MEMO1: variants seen among roughly 807,000 people sequenced by gnomAD.
MEMO1 encodes mediator of cell motility 1.
In MEMO1, 6 loss-of-function variants were observed where a neutral mutation model predicts 45.2. That is an observed-to-expected ratio of 0.13 (90% CI 0.07 to 0.26). The LOEUF is 0.26. Ranked by LOEUF, MEMO1 falls within the 10% of genes least tolerant of loss-of-function variation. The pLI is 1.00. For synonymous variants in MEMO1, 78 were observed against 124.3 expected (o/e 0.63, Z 2.48); for missense variants, 184 against 370.5 (o/e 0.50, Z 4.13).
chr2:31,968,376 C>T (rs1668881346), intron 2 of MEMO1, among the ~76,000 whole-genome samples: 1 of 152,236 alleles, frequency 6.6e-6, no homozygotes, highest in Admixed American at 6.5e-5. Flanking sequence ...ACTGCAAACA[C>T]TTCCACCATG....
At chr2:31,884,934 C>G (rs936224093) in intron 7 of MEMO1, among the ~76,000 whole-genome samples, 7 of 149,326 alleles carry the variant, frequency 4.7e-5, no homozygotes, top group East Asian at 3.9e-4. Context: ...AGTCTTTGAA[C>G]TAAAAAAAAA....
At chr2:31,881,495 TA>T (rs34058748) in intron 8 of MEMO1, among the ~76,000 whole-genome samples, 8,693 of 68,304 alleles carry the variant, frequency 0.13, 166 homozygotes, top group African/African-American at 0.18. Flanking sequence ...AGCCTGTCTT[TA>T]AAAAAAAAAA....
intron 6 of MEMO1, among the ~76,000 whole-genome samples, chr2:31,910,171 A>G (rs1208690488): frequency 5.9e-5 from 9 of 152,130 alleles, no homozygotes; most frequent in Admixed American, 5.9e-4. Context: ...TTTCTTTCAA[A>G]ATTAAAGAAG....
chr2:31,965,397 T>C (rs567404168), intron 2 of MEMO1, among the ~76,000 whole-genome samples: 1 of 151,888 alleles, frequency 6.6e-6, no homozygotes, highest in East Asian at 1.9e-4. Flanking sequence ...GAGGCAACTA[T>C]AAAGGGGTAC....
chr2:31,901,809 G>A (rs760206746), intron 6 of MEMO1, among the ~76,000 whole-genome samples: 2 of 151,552 alleles, frequency 1.3e-5, no homozygotes, highest in African/African-American at 2.4e-5. Context: ...CTCAGGAGGC[G>A]GAGGCAGGGG....
chr2:31,934,649 G>A (rs920189941), intron 3 of MEMO1, among the ~76,000 whole-genome samples: 5 of 152,134 alleles, frequency 3.3e-5, no homozygotes, highest in African/African-American at 1.2e-4. Context: ...CCTGAGTAGA[G>A]GAAGAGAGTA....
chr2:32,001,086 G>A (rs899048523), intron 2 of MEMO1, among the ~76,000 whole-genome samples: 7 of 145,146 alleles, frequency 4.8e-5, no homozygotes, highest in East Asian at 2.1e-4. Flanking sequence ...TCACCCAGGC[G>A]GGAGTGCAGT....
chr2:31,966,744 A>AAAAAAAAAAAAG (rs1668667295), intron 2 of MEMO1, among the ~76,000 whole-genome samples: 1 of 146,022 alleles, frequency 6.8e-6, no homozygotes, highest in Admixed American at 7.0e-5. Flanking sequence ...AAAAAAAAAA[A>AAAAAAAAAAAAG]TGAAAAAAAT....
chr2:31,996,947 A>G (rs930262866), intron 2 of MEMO1, among the ~76,000 whole-genome samples: 4 of 152,168 alleles, frequency 2.6e-5, no homozygotes, highest in African/African-American at 9.7e-5. Flanking sequence ...AAGACTGAAC[A>G]TAGAACACTC....
chr2:32,007,771 T>A (rs750411475), intron 2 of MEMO1, among the ~76,000 whole-genome samples: 9 of 152,224 alleles, frequency 5.9e-5, no homozygotes, highest in Non-Finnish European at 1.0e-4. Flanking sequence ...AGGTCAATGT[T>A]ATCAATGTAG....
At chr2:31,958,172 G>A (rs539562082) in intron 2 of MEMO1, among the ~76,000 whole-genome samples, 1 of 152,096 alleles carries the variant, frequency 6.6e-6, no homozygotes, top group South Asian at 2.1e-4. Flanking sequence ...AAATTAGGGG[G>A]AAAACTAAGT....
At chr2:31,958,022 T>A (rs1022608778) in intron 2 of MEMO1, among the ~76,000 whole-genome samples, 4 of 152,160 alleles carry the variant, frequency 2.6e-5, no homozygotes, top group Non-Finnish European at 5.9e-5. Context: ...CCCTTATAAC[T>A]GGCCAAGAAA....
At chr2:31,915,274 G>C (rs1257409371) in intron 6 of MEMO1, among the ~76,000 whole-genome samples, 1 of 152,134 alleles carries the variant, frequency 6.6e-6, no homozygotes, top group East Asian at 1.9e-4. Context: ...GGAGGGCTGG[G>C]TGTATATGAC....
At chr2:31,966,432 C>T (rs1389460136) in intron 2 of MEMO1, among the ~76,000 whole-genome samples, 4 of 152,044 alleles carry the variant, frequency 2.6e-5, no homozygotes, top group Non-Finnish European at 4.4e-5. Flanking sequence ...TAACTATTTG[C>T]CATTAAAACT....
intron 2 of MEMO1, among the ~76,000 whole-genome samples, chr2:31,989,936 G>A (rs1426050909): frequency 6.6e-6 from 1 of 152,074 alleles, no homozygotes; most frequent in Non-Finnish European, 1.5e-5. Flanking sequence ...TGGGCAACAT[G>A]GTGAAACCCT....
intron 2 of MEMO1, among the ~76,000 whole-genome samples, chr2:31,956,520 C>A (rs1396997659): frequency 6.6e-6 from 1 of 152,132 alleles, no homozygotes; most frequent in Non-Finnish European, 1.5e-5. Context: ...GCAGATCAAG[C>A]CCAGAGGATG....
intron 4 of MEMO1, among the ~76,000 whole-genome samples, chr2:31,929,457 T>A (rs3769609): frequency 6.6e-6 from 1 of 152,214 alleles, no homozygotes; most frequent in Non-Finnish European, 1.5e-5. Flanking sequence ...TTAAGACATA[T>A]TGTGTTCCAA....
chr2:31,961,289 C>A (rs1667978688), intron 2 of MEMO1, among the ~76,000 whole-genome samples: 1 of 151,662 alleles, frequency 6.6e-6, no homozygotes, highest in Admixed American at 6.6e-5. Context: ...ACCTGGGAGG[C>A]AGAGGTTGTA....
chr2:31,920,848 C>G lies in MEMO1; in HGVS notation c.275G>C (p.Ser92Thr), dbSNP rs1237600145. ...CAGAGGTGTCCTATATATATCCACA[C>G]TGGAAAGTGCACATCGAGAGAGGGG... ...HVPLSRCALS[S>T]VDIYRTPLYD... The change falls in exon 5 of 10, where the codon AGT (serine) becomes ACT (threonine). Residue 92 changes from serine to threonine, a missense_variant. Ser to Thr is a moderately conservative substitution (Grantham distance 58). This residue lies in a region of MEMO1 where 60 missense variants were observed against 79.2 expected (regional missense o/e 0.76). Transcript: ENST00000404530. 1.2e-6 allele frequency: 2 copies of G among 1,612,004 alleles called. No individual in the cohort carries two copies. The highest frequency in any genetic ancestry group is 2.2e-5 in the South Asian group (2 of 90,984).
Sources: gnomAD v4.1 joint callset for allele counts (sites outside exome capture counted in the v4.1 genomes callset) on GRCh38, gnomAD v4.1.1 for gene constraint, gnomAD v4.1.1 regional missense constraint, MANE v1.5 for transcripts, NCBI Gene and HGNC (gene_info 2026-07-23, HGNC 2026-07-21) for gene names.